Variants in PMEPA1 observed in about 807,000 individuals in gnomAD.
PMEPA1 encodes the protein protein TMEPAI.
Under a neutral mutation model 23.0 loss-of-function variants are expected in PMEPA1, and 11 were observed. The observed-to-expected ratio is 0.48, with a 90% CI of 0.30 to 0.79. PMEPA1 has a LOEUF of 0.79. Among genes scored for constraint, PMEPA1 ranks in the 30% least tolerant of loss-of-function variants. The pLI, the probability that PMEPA1 is intolerant of heterozygous loss-of-function variation, is 0.06. For synonymous variants in PMEPA1, 204 were observed against 166.4 expected, an observed-to-expected ratio of 1.23 and a Z score of -1.74; for missense variants, 377 against 390.9, an observed-to-expected ratio of 0.96 and a Z score of 0.30.
At chr20:57,665,937 G>T (rs1243318427) in intron 1 of PMEPA1, among the ~76,000 whole-genome samples, 1 of 152,222 alleles carries the variant, frequency 6.6e-6, no homozygotes, top group African/African-American at 2.4e-5. Context: ...GCCCGCCGTG[G>T]CAACACAAGC....
At chr20:57,692,204 C>T (rs6099719) in intron 1 of PMEPA1, among the ~76,000 whole-genome samples, 38,395 of 152,168 alleles carry the variant, frequency 0.25, 6,280 homozygotes, top group East Asian at 0.54. Flanking sequence ...TAGTGGGTGC[C>T]TATTACAATC....
In PMEPA1 at chr20:57,709,611, CG is replaced by C. The variant is rs1051809524; in HGVS notation, c.-30del. ...CGGCGCGGCGGCGCGGCGCGGGGCGCGGGGGGCTCGGGGGCGGCCGGGGGGG... is the reference window on the plus strand; with the variant it reads ...CGGCGCGGCGGCGCGGCGCGGGGCGCGGGGGCTCGGGGGCGGCCGGGGGGG... On this transcript the variant is annotated 5_prime_UTR_variant, in exon 1 of 4. Coordinates refer to ENST00000341744, the MANE Select transcript of PMEPA1 (RefSeq NM_020182.5). The C allele has an allele frequency of 7.6e-6, 2 of 264,698 alleles. No individual in the cohort carries two copies. The highest frequency in any genetic ancestry group is 1.7e-4 in the South Asian group (1 of 5,896). The allele number at this position is 264,698 out of a possible 1,614,324, so 16.4% of individuals were successfully genotyped here.
chr20:57,702,702 C>A lies in PMEPA1; in HGVS notation c.109+6772G>T, dbSNP rs900092238. Among the ~76,000 whole-genome samples the A allele has an allele frequency of 5.2e-4, 79 of 152,158 alleles. 2 individuals are homozygous for A. The highest frequency in any genetic ancestry group is 1.5e-4 in the Non-Finnish European group (10 of 68,026). On this transcript the variant is annotated intron_variant, in intron 1 of 3. Coordinates refer to ENST00000341744, the MANE Select transcript of PMEPA1 (RefSeq NM_020182.5). ...GGAGCATCAGTTCCTGGCTGTGTGA[C>A]CTCGAGCAAGTATCTTACACTCTCT...
intron 1 of PMEPA1, among the ~76,000 whole-genome samples, chr20:57,661,632 G>C (rs1210220931): frequency 6.6e-6 from 1 of 152,180 alleles, no homozygotes; most frequent in Non-Finnish European, 1.5e-5. Flanking sequence ...GCAGGTGTCA[G>C]GTGGCAACTG....
chr20:57,675,351 T>C (rs535468129), intron 1 of PMEPA1, among the ~76,000 whole-genome samples: 1 of 152,174 alleles, frequency 6.6e-6, no homozygotes, highest in Non-Finnish European at 1.5e-5. Context: ...CCGGCAGCCA[T>C]GCCTTCACCT....
chr20:57,671,344 A>G (rs757215040), intron 1 of PMEPA1, among the ~76,000 whole-genome samples: 2 of 152,172 alleles, frequency 1.3e-5, no homozygotes, highest in Non-Finnish European at 2.9e-5. Context: ...AGTGGACGAC[A>G]AATGGGGAAC....
At chr20:57,710,656 C>G (rs1250124603), upstream of PMEPA1, 4 of 543,376 alleles carry the variant, frequency 7.4e-6, no homozygotes, top group Non-Finnish European at 1.3e-5. Flanking sequence ...GCCGCCCCAG[C>G]CGGCGGGACC....
intron 1 of PMEPA1, among the ~76,000 whole-genome samples, chr20:57,699,786 C>T (rs1297001077): frequency 6.6e-6 from 1 of 152,194 alleles, no homozygotes; most frequent in Non-Finnish European, 1.5e-5. Context: ...TGGGGGAACC[C>T]GGGGCAAAGC....
chr20:57,690,666 G>T, intron 1 of PMEPA1: 1 of 944,646 alleles, frequency 1.1e-6, no homozygotes, highest in Non-Finnish European at 1.4e-6. Flanking sequence ...CTTGGGCTCT[G>T]TCCTGGGAAA....
chr20:57,658,473 G>A (rs1219023281), intron 2 of PMEPA1, among the ~76,000 whole-genome samples: 1 of 152,182 alleles, frequency 6.6e-6, no homozygotes, highest in Non-Finnish European at 1.5e-5. Context: ...CTTCCCAAAC[G>A]CAGGGGGAAT....
chr20:57,651,391 G>A lies in PMEPA1; in HGVS notation c.*662C>T, dbSNP rs898079209. On this transcript the variant is annotated 3_prime_UTR_variant, in exon 4 of 4. Transcript: ENST00000341744. ...CCTTAAAGTCTCAACAGACACAAGA[G>A]AAGTTTCCATCAAGCAAGCACTGAC... 1.3e-5 allele frequency: 2 copies of A among 152,670 alleles called. No homozygotes were observed. Among genetic ancestry groups the A allele is most frequent in the Non-Finnish European group, 2.9e-5 (2 of 68,050 alleles). 9.5% of individuals were successfully genotyped at this position (152,670 alleles called of 1,614,324 possible). A position where few individuals can be genotyped will look rare whatever the true frequency, so the allele number is the denominator to read the frequency against.
chr20:57,671,287 T>C (rs1433888448), intron 1 of PMEPA1, among the ~76,000 whole-genome samples: 1 of 152,014 alleles, frequency 6.6e-6, no homozygotes, highest in Non-Finnish European at 1.5e-5. Context: ...GTGCATAACA[T>C]CCGAAAGTTA....
At chr20:57,675,099 T>TC (rs2146672295) in intron 1 of PMEPA1, among the ~76,000 whole-genome samples, 1 of 152,262 alleles carries the variant, frequency 6.6e-6, no homozygotes, top group African/African-American at 2.4e-5. Context: ...CTTATTATCA[T>TC]CCCATTTTTG....
At chr20:57,681,351 C>T (rs2071709989) in intron 1 of PMEPA1, among the ~76,000 whole-genome samples, 2 of 152,234 alleles carry the variant, frequency 1.3e-5, no homozygotes, top group African/African-American at 4.8e-5. Context: ...CCTGCATGGG[C>T]CTCCTTCCTG....
chr20:57,652,892 G>T lies in PMEPA1; in HGVS notation c.318+141C>A. 1 of 770,706 alleles carries T rather than the reference G, an allele frequency of 1.3e-6. No homozygotes were observed. The highest frequency in any genetic ancestry group is 1.5e-5 in the South Asian group (1 of 64,944). 47.7% of individuals were successfully genotyped at this position (770,706 alleles called of 1,614,324 possible). ...CAGGGGCAGGGAGCAGATGATCTCC[G>T]GCAAGGAGGATCCCAGCAGCAAGGG... On this transcript the variant is annotated intron_variant, in intron 3 of 3. Transcript: ENST00000341744. The surrounding 1 kb of genome is among the most constrained non-coding windows in gnomAD (Gnocchi z 6.1).
intron 1 of PMEPA1, among the ~76,000 whole-genome samples, chr20:57,688,574 T>C (rs2146693368): frequency 6.6e-6 from 1 of 152,258 alleles, no homozygotes; most frequent in Middle Eastern, 3.4e-3. Context: ...TACCACATCA[T>C]CATCCTCAGC....
intron 1 of PMEPA1, among the ~76,000 whole-genome samples, chr20:57,698,830 C>A (rs942065132): frequency 6.6e-6 from 1 of 152,334 alleles, no homozygotes; most frequent in East Asian, 1.9e-4. Flanking sequence ...CACACACACA[C>A]AGACTTGGCA....
intron 1 of PMEPA1, among the ~76,000 whole-genome samples, chr20:57,674,543 G>A (rs187806406): frequency 2.0e-5 from 3 of 152,370 alleles, no homozygotes; most frequent in African/African-American, 7.2e-5. Flanking sequence ...AAGGTGAGGA[G>A]GCAGGACCCC....
intron 1 of PMEPA1, chr20:57,690,635 C>G (rs1001434300): frequency 1.6e-5 from 18 of 1,151,996 alleles, no homozygotes; most frequent in African/African-American, 1.3e-4. Flanking sequence ...CAGGCGCGCA[C>G]CCCAGCCTGC....
Sources: gnomAD v4.1 joint callset for allele counts (sites outside exome capture counted in the v4.1 genomes callset) on GRCh38, gnomAD v4.1.1 for gene constraint, Gnocchi (gnomAD v3.1) non-coding constraint, MANE v1.5 for transcripts, NCBI Gene and HGNC (gene_info 2026-07-23, HGNC 2026-07-21) for gene names.